The following UTRN variants were observed in gnomAD, a reference collection of about 807,000 sequenced individuals.
The protein encoded by UTRN is utrophin.
Under a neutral mutation model 463.9 loss-of-function variants are expected in UTRN, and 283 were observed. The ratio of observed to expected loss-of-function variants is 0.61; its 90% CI spans 0.55 to 0.67. The LOEUF is 0.67. Among genes scored for constraint, UTRN ranks in the 30% least tolerant of loss-of-function variants. The pLI is 0.00. For synonymous variants in UTRN, 1,442 were observed against 1,431.5 expected, an observed-to-expected ratio of 1.01 and a Z score of -0.17; for missense variants, 3,922 against 4,084.3, an observed-to-expected ratio of 0.96 and a Z score of 1.08.
chr6:144,463,131 T>A (rs995889684), intron 23 of UTRN, among the ~76,000 whole-genome samples: 3 of 152,232 alleles, frequency 2.0e-5, no homozygotes, highest in African/African-American at 7.2e-5. Flanking sequence ...CAAAATAATG[T>A]TTCAGGCATG....
At chr6:144,446,523 A>C (rs1401291535) in intron 14 of UTRN, among the ~76,000 whole-genome samples, 1 of 152,240 alleles carries the variant, frequency 6.6e-6, no homozygotes, top group Non-Finnish European at 1.5e-5. Context: ...ATTTTGGGAG[A>C]AATTATCACA....
chr6:144,521,056 T>A lies in UTRN; in HGVS notation c.5542-924T>A, dbSNP rs746779717. 9.2e-5 allele frequency among the ~76,000 whole-genome samples: 14 copies of A among 151,922 alleles called. No individual in the cohort carries two copies. The South Asian group carries it at 1.9e-3, about 20-fold the overall frequency. On this transcript the variant is annotated intron_variant, in intron 39 of 74. Coordinates refer to ENST00000367545, the MANE Select transcript of UTRN (RefSeq NM_007124.3). ...ATCCCAGCACTTTGGGAGGCTGAGG[T>A]CAGCTGATCACTTGAGGTTAAGAGT...
At chr6:144,690,072 C>CTTTTTTTTTTTTTTTTTTTTTTTTTT (rs1428641511) in intron 52 of UTRN, among the ~76,000 whole-genome samples, 1 of 35,660 alleles carries the variant, frequency 2.8e-5, no homozygotes, top group African/African-American at 1.2e-4. Flanking sequence ...CCAAAAGTTT[C>CTTTTTTTTTTTTTTTTTTTTTTTTTT]TGTTTTTTTT....
At position 144,827,594 on chromosome 6, in the gene UTRN, G is replaced by A; in HGVS notation, c.9534-17G>A. 1 of 1,612,872 alleles carries A rather than the reference G, an allele frequency of 6.2e-7. No individual in the cohort carries two copies. The highest frequency in any genetic ancestry group is 8.5e-7 in the Non-Finnish European group (1 of 1,179,516). Reference sequence around the variant, plus strand: ...TATTTGGGCATAAAATTATTGCTTTGTTTTTTTCTTTTAAAGCCCCTCACA... The same window carrying A: ...TATTTGGGCATAAAATTATTGCTTTATTTTTTTCTTTTAAAGCCCCTCACA... On this transcript the variant is annotated splice_polypyrimidine_tract_variant and intron_variant, in intron 67 of 74. Transcript: ENST00000367545.
At chr6:144,670,564 C>T (rs955009338) in intron 51 of UTRN, among the ~76,000 whole-genome samples, 1 of 151,824 alleles carries the variant, frequency 6.6e-6, no homozygotes, top group African/African-American at 2.4e-5. Context: ...AATATTTTTC[C>T]CACTCTGTGA....
rs866322815 is a variant in UTRN at position 144,757,916 on chromosome 6, T to G, written c.8435-13T>G. 1.2e-6 allele frequency: 2 copies of G among 1,605,980 alleles called. No homozygotes were observed. Among genetic ancestry groups the G allele is most frequent in the Admixed American group, 3.4e-5 (2 of 58,970 alleles). ...TTTCCAACGTTTCCAATAATCTCCC[T>G]TTGTTTCCTCAGCGTCAGTCCAGCT... On this transcript the variant is annotated splice_polypyrimidine_tract_variant and intron_variant, in intron 57 of 74. Coordinates refer to ENST00000367545, the MANE Select transcript of UTRN (RefSeq NM_007124.3).
chr6:144,288,636 A>G (rs1302964408), intron 1 of UTRN, among the ~76,000 whole-genome samples: 2 of 152,136 alleles, frequency 1.3e-5, no homozygotes, highest in African/African-American at 4.8e-5. Context: ...GTAATCATAT[A>G]ATAATCCATA....
intron 65 of UTRN, 54 bp from the exon 66 acceptor site, chr6:144,820,828 T>C (rs546189735): frequency 6.4e-7 from 1 of 1,569,084 alleles, no homozygotes; most frequent in African/African-American, 1.4e-5. Flanking sequence ...TTGTTATAGA[T>C]AGTTATTGCC....
chr6:144,411,884 C>G (rs573386826), intron 3 of UTRN, among the ~76,000 whole-genome samples: 28 of 152,270 alleles, frequency 1.8e-4, no homozygotes, highest in Admixed American at 1.7e-3. Flanking sequence ...ACCCAGAATT[C>G]TTAAAGAGGA....
chr6:144,747,206 A>G (rs1790852182), intron 54 of UTRN, among the ~76,000 whole-genome samples: 1 of 152,260 alleles, frequency 6.6e-6, no homozygotes, highest in Non-Finnish European at 1.5e-5. Context: ...AGATGTTATC[A>G]CAAAGAAGAA....
At position 144,716,199 on chromosome 6, in the gene UTRN, G is replaced by A. The variant is rs138162791; in HGVS notation, c.7810-14158G>A. On this transcript the variant is annotated intron_variant, in intron 53 of 74. Coordinates refer to ENST00000367545, the MANE Select transcript of UTRN (RefSeq NM_007124.3). ...TTTTTATTTAAGGGAAAATGAATTG[G>A]CATACCTTTAATTGTTGAGATAGCT... Among the ~76,000 whole-genome samples, 696 of 150,970 alleles carry A rather than the reference G, an allele frequency of 4.6e-3. 4 individuals carry two copies. The highest frequency in any genetic ancestry group is 7.9e-3 in the Non-Finnish European group (539 of 67,834).
chr6:144,605,473 G>A (rs1293440724), intron 51 of UTRN, among the ~76,000 whole-genome samples: 1 of 151,524 alleles, frequency 6.6e-6, no homozygotes, highest in Non-Finnish European at 1.5e-5. Flanking sequence ...CCAATTCCAG[G>A]TCTGTTCCCA....
chr6:144,584,406 T>C (rs1395819336), intron 51 of UTRN, among the ~76,000 whole-genome samples: 5 of 152,186 alleles, frequency 3.3e-5, no homozygotes, highest in Admixed American at 6.5e-5. Context: ...ACTACCGCAG[T>C]ACTATATTCC....
chr6:144,625,157 G>C (rs187718126), intron 51 of UTRN, among the ~76,000 whole-genome samples: 1 of 152,280 alleles, frequency 6.6e-6, no homozygotes, highest in East Asian at 1.9e-4. Flanking sequence ...GGAAGAAATA[G>C]TGTGATGCCC....
intron 29 of UTRN, 118 bp downstream of exon 29, chr6:144,487,815 A>C: frequency 1.1e-6 from 1 of 939,082 alleles, no homozygotes; most frequent in Non-Finnish European, 1.5e-6. Context: ...TAAAGTTGGT[A>C]ACCAATGCTA....
chr6:144,752,548 A>C (rs1791515246), intron 56 of UTRN, among the ~76,000 whole-genome samples: 1 of 152,112 alleles, frequency 6.6e-6, no homozygotes, highest in South Asian at 2.1e-4. Flanking sequence ...GAATTAATTC[A>C]AATATCAAAG....
At chr6:144,441,151 A>C (rs1787117418) in intron 13 of UTRN, among the ~76,000 whole-genome samples, 1 of 152,132 alleles carries the variant, frequency 6.6e-6, no homozygotes, top group Non-Finnish European at 1.5e-5. Context: ...CACATTTCAC[A>C]ACCAATCATG....
intron 51 of UTRN, among the ~76,000 whole-genome samples, chr6:144,622,476 T>G (rs772604547): frequency 1.2e-4 from 18 of 152,124 alleles, no homozygotes; most frequent in Non-Finnish European, 2.2e-4. Flanking sequence ...TGTGAGCCAC[T>G]GTGCCAGGCT....
At chr6:144,777,503 G>T (rs143001589) in intron 60 of UTRN, among the ~76,000 whole-genome samples, 5,650 of 152,216 alleles carry the variant, frequency 0.037, 159 homozygotes, top group Non-Finnish European at 0.052. Flanking sequence ...TAATTAGGCA[G>T]GATTCAAGGA....
Sources: gnomAD v4.1 joint callset for allele counts (sites outside exome capture counted in the v4.1 genomes callset) on GRCh38, gnomAD v4.1.1 for gene constraint, MANE v1.5 for transcripts, NCBI Gene and HGNC (gene_info 2026-07-23, HGNC 2026-07-21) for gene names.